Variants in CPAP observed in about 807,000 individuals in gnomAD.
CPAP encodes centrosomal P4.1-associated protein.
chr13:24,906,496 G>A, the CPAP span: 2 of 1,614,176 alleles, frequency 1.2e-6, no homozygotes, highest in South Asian at 2.2e-5. Context: ...TCCACCCTGT[G>A]CAGCCAGTAT....
At chr13:24,912,405 T>G in the CPAP span, among the ~76,000 whole-genome samples, 1 of 152,250 alleles carries the variant, frequency 6.6e-6, no homozygotes, top group East Asian at 1.9e-4. Context: ...CTTAAAGTTA[T>G]TATAAGTGCT....
chr13:24,933,243 G>GC, the CPAP span: 1 of 849,586 alleles, frequency 1.2e-6, no homozygotes, highest in East Asian at 2.6e-5. Context: ...GAGAGAGTGA[G>GC]CTACTGGAAG....
chr13:24,920,779 C>T, the CPAP span, among the ~76,000 whole-genome samples: 7 of 123,586 alleles, frequency 5.7e-5, no homozygotes, highest in African/African-American at 2.0e-4. Flanking sequence ...CACCACCATA[C>T]CTGGCTTTTT....
chr13:24,927,291 G>T, the CPAP span, among the ~76,000 whole-genome samples: 1 of 152,088 alleles, frequency 6.6e-6, no homozygotes, highest in East Asian at 1.9e-4. Flanking sequence ...GATCCAATTT[G>T]GGTAGAACGG....
chr13:24,907,030 A>G, the CPAP span: 60 of 1,596,424 alleles, frequency 3.8e-5, no homozygotes, highest in East Asian at 1.3e-3. Flanking sequence ...TTTTTAAGGC[A>G]AATTATAGAT....
the CPAP span, chr13:24,882,911 C>T: frequency 2.2e-6 from 1 of 450,356 alleles, no homozygotes; most frequent in Non-Finnish European, 4.1e-6. Flanking sequence ...ATAAACACAC[C>T]CACTTACTGT....
the CPAP span, chr13:24,884,245 T>G: frequency 6.2e-7 from 1 of 1,614,098 alleles, no homozygotes; most frequent in Admixed American, 1.7e-5. Context: ...TAGTAGTAGA[T>G]CTGTAAAGAC....
At chr13:24,891,560 C>T in the CPAP span, among the ~76,000 whole-genome samples, 9 of 152,046 alleles carry the variant, frequency 5.9e-5, no homozygotes, top group Non-Finnish European at 1.3e-4. Flanking sequence ...TCCTTGCTGT[C>T]ACCACCAATC....
chr13:24,886,284 T>A, the CPAP span: 1 of 1,287,726 alleles, frequency 7.8e-7, no homozygotes, highest in Non-Finnish European at 1.0e-6. Context: ...TGTTAAAAAG[T>A]GTAACAGAGC....
the CPAP span, among the ~76,000 whole-genome samples, chr13:24,918,372 A>G: frequency 6.6e-6 from 1 of 152,164 alleles, no homozygotes; most frequent in African/African-American, 2.4e-5. Flanking sequence ...TCTCAATAAT[A>G]AAAAAACAAA....
chr13:24,900,517 G>A, the CPAP span, among the ~76,000 whole-genome samples: 2 of 152,238 alleles, frequency 1.3e-5, no homozygotes, highest in African/African-American at 2.4e-5. Context: ...GCATGGTGGC[G>A]AATGCCTGTA....
chr13:24,909,954 G>A, the CPAP span: 2 of 1,614,160 alleles, frequency 1.2e-6, no homozygotes, highest in Non-Finnish European at 1.7e-6. Flanking sequence ...TAAAATGTTG[G>A]ACGGGTATGT....
At chr13:24,903,365 C>A in the CPAP span, among the ~76,000 whole-genome samples, 1 of 152,206 alleles carries the variant, frequency 6.6e-6, no homozygotes. Context: ...AAAAGAGGCA[C>A]CAAGACAAAC....
the CPAP span, chr13:24,912,046 C>G: frequency 6.2e-7 from 1 of 1,613,772 alleles, no homozygotes; most frequent in Non-Finnish European, 8.5e-7. Flanking sequence ...ATTGTTCCTG[C>G]TTCTTCTGTT....
At chr13:24,901,469 G>A in the CPAP span, among the ~76,000 whole-genome samples, 3 of 152,164 alleles carry the variant, frequency 2.0e-5, no homozygotes, top group African/African-American at 7.2e-5. Flanking sequence ...GATGCTGACT[G>A]GGGCAATGGA....
the CPAP span, chr13:24,908,102 T>G: frequency 6.2e-7 from 1 of 1,612,684 alleles, no homozygotes; most frequent in Non-Finnish European, 8.5e-7. Flanking sequence ...TTCTGTCACT[T>G]TCTCCCAACA....
the CPAP span, among the ~76,000 whole-genome samples, chr13:24,890,869 A>G: frequency 2.0e-5 from 3 of 152,120 alleles, no homozygotes; most frequent in Admixed American, 1.3e-4. Context: ...TTCACCAAGT[A>G]TGGTGCTTCT....
the CPAP span, chr13:24,905,732 A>G: frequency 3.7e-6 from 6 of 1,614,076 alleles, no homozygotes; most frequent in African/African-American, 2.7e-5. Context: ...GCTTTCCATG[A>G]TAGACTCATC....
the CPAP span, chr13:24,922,659 C>T: frequency 3.3e-5 from 5 of 152,638 alleles, no homozygotes; most frequent in African/African-American, 1.2e-4. Flanking sequence ...CCCGCCGAGC[C>T]AACCCCGAGG....
Sources: allele counts gnomAD v4.1 joint callset (sites outside exome capture counted in the v4.1 genomes callset), GRCh38; gene constraint gnomAD v4.1.1; transcripts MANE v1.5; gene names NCBI Gene and HGNC (gene_info 2026-07-23, HGNC 2026-07-21).